MEIS3: variants seen among roughly 807,000 people sequenced by gnomAD.
The protein encoded by MEIS3 is Meis homeobox 3, also known as homeobox protein Meis3.
A neutral mutation model predicts 51.4 loss-of-function variants in MEIS3; 38 were observed. The observed-to-expected ratio is 0.74, with a 90% CI of 0.57 to 0.97. MEIS3 has a LOEUF of 0.97. MEIS3 is among the 50% of genes least tolerant of loss of function. The pLI is 0.00. For synonymous variants in MEIS3, 198 were observed against 201.8 expected, an observed-to-expected ratio of 0.98 and a Z score of 0.16; for missense variants, 456 against 502.6, an observed-to-expected ratio of 0.91 and a Z score of 0.89.
chr19:47,411,860 A>G (rs1971151091), intron 6 of MEIS3, among the ~76,000 whole-genome samples: 1 of 149,880 alleles, frequency 6.7e-6, no homozygotes, highest in Non-Finnish European at 1.5e-5. Flanking sequence ...TTTTTCTTTG[A>G]AGAGACAGAG....
chr19:47,418,152 C>T (rs1971555036), intron 1 of MEIS3: 1 of 164,108 alleles, frequency 6.1e-6, no homozygotes, highest in Non-Finnish European at 1.3e-5. Flanking sequence ...CGCGTCCTGT[C>T]GTCACAGAAC....
At chr19:47,406,578 G>T in intron 11 of MEIS3, 52 bp from the exon 12 acceptor site, 1 of 1,568,046 alleles carries the variant, frequency 6.4e-7, no homozygotes, top group Non-Finnish European at 8.8e-7. Flanking sequence ...GACACCCCCA[G>T]ATGCCTCTAA....
At chr19:47,418,993 A>G in intron 1 of MEIS3, 77 bp downstream of exon 1, 1 of 928,222 alleles carries the variant, frequency 1.1e-6, no homozygotes, top group Non-Finnish European at 1.4e-6. Context: ...AATGGGGGCC[A>G]GCGCCGGAGA....
chr19:47,416,695 G>C lies in MEIS3; in HGVS notation c.353C>G (p.Ser118Cys). 1 of 1,576,006 alleles carries C rather than the reference G, an allele frequency of 6.3e-7. No individual in the cohort carries two copies. The highest frequency in any genetic ancestry group is 8.6e-7 in the Non-Finnish European group (1 of 1,160,830). ...GTTGGAGGAGAAGAGGGGCCTCTCAGAGCGAACCTGGGAGGGAAGAGAGAG... is the reference window on the plus strand; with the variant it reads ...GTTGGAGGAGAAGAGGGGCCTCTCACAGCGAACCTGGGAGGGAAGAGAGAG... ...DIAAFAKQVR[S>C]ERPLFSSNPE... The change falls in exon 4 of 13, where the codon TCT becomes TGT. Residue 118 changes from serine to cysteine, a missense_variant. Transcript: ENST00000558555.
In MEIS3 at chr19:47,419,145, C is replaced by A; in HGVS notation, c.-64G>T. Reference sequence around the variant, plus strand: ...CCTGGCCGCGGGGGAGGGCGCAGCCCGGGGCCGCAGCCCCTGACGGCCCGC... The same window carrying A: ...CCTGGCCGCGGGGGAGGGCGCAGCCAGGGGCCGCAGCCCCTGACGGCCCGC... On this transcript the variant is annotated 5_prime_UTR_variant, in exon 1 of 13. Transcript: ENST00000558555. 1 of 1,202,890 alleles carries A rather than the reference C, an allele frequency of 8.3e-7. No homozygotes were observed. The allele number at this position is 1,202,890 out of a possible 1,614,324, so 74.5% of individuals were successfully genotyped here. A position where few individuals can be genotyped will look rare whatever the true frequency, so the allele number is the denominator to read the frequency against.
Position 47,417,364 on chromosome 19 carries a change from A to G in MEIS3, c.13-14T>C. ...CAGCTCATCATACTGGGGGAAGGTG[A>G]GAAGAGAAGGGCGGAGCCCCAGGGA... On this transcript the variant is annotated splice_polypyrimidine_tract_variant and intron_variant, in intron 1 of 12. Coordinates refer to ENST00000558555, the MANE Select transcript of MEIS3 (RefSeq NM_001301059.2). 6.2e-7 allele frequency: 1 copy of G among 1,612,960 alleles called. No homozygotes were observed. The highest frequency in any genetic ancestry group is 8.5e-7 in the Non-Finnish European group (1 of 1,179,596).
At chr19:47,417,436 A>G (rs1174730989) in intron 1 of MEIS3, 86 bp from the exon 2 acceptor site, 1 of 1,477,988 alleles carries the variant, frequency 6.8e-7, no homozygotes, top group Non-Finnish European at 9.4e-7. Flanking sequence ...CTATCCTGGA[A>G]CCCAGGAGAT....
At chr19:47,415,549 CCCT>C (rs1425360585) in intron 4 of MEIS3, among the ~76,000 whole-genome samples, 1 of 151,398 alleles carries the variant, frequency 6.6e-6, no homozygotes, top group African/African-American at 2.4e-5. Flanking sequence ...GGGTATTCCT[CCCT>C]CCTTTCTTCT....
Position 47,406,890 on chromosome 19 carries a change from G to T in MEIS3, c.1076C>A (p.Pro359Gln). 1 of 1,570,168 alleles carries T rather than the reference G, an allele frequency of 6.4e-7. No homozygotes were observed. Among genetic ancestry groups the T allele is most frequent in the Non-Finnish European group, 8.6e-7 (1 of 1,160,494 alleles). ...ETQPHVAVRP[P>Q]GSVGMSLNLE... ...CTAGCTAAGGGGGCGAGGCTTACCC[G>T]GAGGCCGGACGGCCACGTGTGGCTG... The change falls in exon 11 of 13, where the codon CCG (proline) becomes CAG (glutamine). Residue 359 changes from proline (P) to glutamine (Q), a missense_variant and splice_region_variant. By Grantham distance (76) the Pro-to-Gln change is moderately conservative. Transcript: ENST00000558555.
chr19:47,421,636 G>T (rs2122592827), upstream of MEIS3, among the ~76,000 whole-genome samples: 1 of 152,120 alleles, frequency 6.6e-6, no homozygotes, highest in South Asian at 2.1e-4. Flanking sequence ...CTGCTCAGGA[G>T]GGTGGGGGAA....
At chr19:47,406,235 T>C in intron 12 of MEIS3, 1 of 462,918 alleles carries the variant, frequency 2.2e-6, no homozygotes. Flanking sequence ...TATGGATGGG[T>C]GAGTGAGTGG....
upstream of MEIS3, among the ~76,000 whole-genome samples, chr19:47,420,906 TCTCTCACA>T (rs1264293090): frequency 8.7e-5 from 8 of 91,754 alleles, no homozygotes; most frequent in African/African-American, 2.6e-4. Context: ...TCTCTCTCTC[TCTCTCACA>T]CACACACACA....
upstream of MEIS3, among the ~76,000 whole-genome samples, chr19:47,420,432 CAG>C: frequency 7.4e-6 from 1 of 135,824 alleles, no homozygotes; most frequent in African/African-American, 3.0e-5. Context: ...GGGGCGTGGA[CAG>C]AGCAGGAAGG....
chr19:47,416,346 G>C, intron 4 of MEIS3: 1 of 355,872 alleles, frequency 2.8e-6, no homozygotes, highest in Non-Finnish European at 5.1e-6. Context: ...CCCCACAGCA[G>C]CCCTCCAAGA....
chr19:47,414,168 G>A (rs1971275422), intron 6 of MEIS3, among the ~76,000 whole-genome samples: 1 of 152,114 alleles, frequency 6.6e-6, no homozygotes, highest in South Asian at 2.1e-4. Flanking sequence ...GATGTGGCCA[G>A]GGTCACGTGT....
rs1191332004 is a variant in MEIS3, at chr19:47,419,156, C to A, written c.-75G>T. 1.8e-6 allele frequency: 2 copies of A among 1,116,772 alleles called. No individual in the cohort carries two copies. The highest frequency in any genetic ancestry group is 2.3e-6 in the Non-Finnish European group (2 of 884,168). 69.2% of individuals were successfully genotyped at this position (1,116,772 alleles called of 1,614,324 possible). A position where few individuals can be genotyped will look rare whatever the true frequency, so the allele number is the denominator to read the frequency against. On this transcript the variant is annotated 5_prime_UTR_variant, in exon 1 of 13. Coordinates refer to ENST00000558555, the MANE Select transcript of MEIS3 (RefSeq NM_001301059.2). ...GGGAGGGCGCAGCCCGGGGCCGCAG[C>A]CCCTGACGGCCCGCGGTGTTGACGC...
chr19:47,413,424 CTG>C (rs1479379588), intron 6 of MEIS3, among the ~76,000 whole-genome samples: 3 of 151,480 alleles, frequency 2.0e-5, no homozygotes, highest in Non-Finnish European at 4.4e-5. Flanking sequence ...GTCTCCGGGA[CTG>C]TGTCTGGGTG....
At chr19:47,407,047 C>A in intron 10 of MEIS3, 32 bp downstream of exon 10, 2 of 1,599,338 alleles carry the variant, frequency 1.3e-6, no homozygotes, top group Admixed American at 1.8e-5. Context: ...CCTAAGAACC[C>A]CAGGCTCTCC....
intron 1 of MEIS3, 52 bp from the exon 2 acceptor site, chr19:47,417,402 C>CCGAGACT (rs1971495657): frequency 1.2e-6 from 2 of 1,603,438 alleles, no homozygotes; most frequent in South Asian, 1.1e-5. Context: ...GGTCAGCACC[C>CCGAGACT]CGAGACTCGG....
Sources: allele counts gnomAD v4.1 joint callset (sites outside exome capture counted in the v4.1 genomes callset), GRCh38; gene constraint gnomAD v4.1.1; transcripts MANE v1.5; gene names NCBI Gene and HGNC (gene_info 2026-07-23, HGNC 2026-07-21).